Variants in WWOX observed in about 807,000 individuals in gnomAD.
WWOX encodes WW domain-containing oxidoreductase.
In WWOX, 69 loss-of-function variants were observed where a neutral mutation model predicts 46.2. The ratio of observed to expected loss-of-function variants is 1.49; its 90% CI spans 1.23 to 1.82. WWOX has a LOEUF of 1.82. Ranked by LOEUF, WWOX falls within the 40% of genes most tolerant of loss-of-function variation. WWOX has a pLI of 0.00. For missense variants in WWOX, 919 were observed against 542.6 expected (o/e 1.69, Z -6.89); for synonymous variants, 359 against 202.6 (o/e 1.77, Z -6.56).
At chr16:79,111,811 G>A (rs1055337725) in intron 8 of WWOX, among the ~76,000 whole-genome samples, 10 of 152,212 alleles carry the variant, frequency 6.6e-5, no homozygotes, top group Admixed American at 5.9e-4. Flanking sequence ...ACCATCCCAT[G>A]AGCCCAGATG....
intron 5 of WWOX, among the ~76,000 whole-genome samples, chr16:78,313,866 T>A (rs2080299914): frequency 6.6e-6 from 1 of 152,188 alleles, no homozygotes; most frequent in Non-Finnish European, 1.5e-5. Context: ...TCCCTGTCAT[T>A]CATCAGAATT....
chr16:79,089,858 C>T (rs1031474045), intron 8 of WWOX, among the ~76,000 whole-genome samples: 1 of 151,192 alleles, frequency 6.6e-6, no homozygotes, highest in Non-Finnish European at 1.5e-5. Flanking sequence ...CCCCTGTTGT[C>T]ATGCTGGATA....
intron 8 of WWOX, among the ~76,000 whole-genome samples, chr16:78,906,917 G>A (rs934401372): frequency 6.6e-6 from 1 of 152,166 alleles, no homozygotes; most frequent in Non-Finnish European, 1.5e-5. Flanking sequence ...GAATAAACAC[G>A]GAAATAATTA....
intron 8 of WWOX, among the ~76,000 whole-genome samples, chr16:78,847,682 TCA>T (rs1402937124): frequency 3.9e-5 from 6 of 152,158 alleles, no homozygotes; most frequent in Middle Eastern, 3.4e-3. Context: ...TATTTAACTC[TCA>T]GTTTCTTCTT....
chr16:78,316,854 T>G (rs1391435340), intron 5 of WWOX, among the ~76,000 whole-genome samples: 1 of 152,230 alleles, frequency 6.6e-6, no homozygotes. Context: ...TACCATTCAG[T>G]ACCAACCCTG....
intron 8 of WWOX, among the ~76,000 whole-genome samples, chr16:78,621,391 C>A (rs934504374): frequency 6.6e-6 from 1 of 151,954 alleles, no homozygotes; most frequent in African/African-American, 2.4e-5. Flanking sequence ...TCCTCATCCT[C>A]ACCCCTTTCA....
intron 8 of WWOX, among the ~76,000 whole-genome samples, chr16:78,556,605 G>C (rs1358658710): frequency 6.6e-6 from 1 of 152,082 alleles, no homozygotes; most frequent in African/African-American, 2.4e-5. Context: ...TGCCCACCAC[G>C]ACTGCTGTCT....
chr16:78,762,532 A>G (rs1040295327), intron 8 of WWOX, among the ~76,000 whole-genome samples: 1 of 152,220 alleles, frequency 6.6e-6, no homozygotes, highest in Non-Finnish European at 1.5e-5. Flanking sequence ...CTGTAATGCA[A>G]AATTCAGAGC....
At chr16:78,860,560 CT>C (rs1164407329) in intron 8 of WWOX, among the ~76,000 whole-genome samples, 1 of 152,148 alleles carries the variant, frequency 6.6e-6, no homozygotes, top group African/African-American at 2.4e-5. Flanking sequence ...GGGAAAGATA[CT>C]GTGAAAAAGA....
intron 7 of WWOX, among the ~76,000 whole-genome samples, chr16:78,429,447 T>C (rs1027368985): frequency 1.3e-5 from 2 of 152,170 alleles, no homozygotes; most frequent in Admixed American, 1.3e-4. Context: ...GAAGAGTTCA[T>C]TATGGAGAGC....
chr16:79,056,081 T>C (rs1311742782), intron 8 of WWOX, among the ~76,000 whole-genome samples: 4 of 147,016 alleles, frequency 2.7e-5, no homozygotes, highest in Non-Finnish European at 5.9e-5. Flanking sequence ...ACAGCTCAGC[T>C]TGTAAAAAAA....
chr16:78,557,833 T>G (rs1308112897), intron 8 of WWOX, among the ~76,000 whole-genome samples: 1 of 151,660 alleles, frequency 6.6e-6, no homozygotes, highest in African/African-American at 2.4e-5. Flanking sequence ...GTAGCTGGGA[T>G]TATAGTCACC....
chr16:78,652,767 A>G (rs576564901), intron 8 of WWOX, among the ~76,000 whole-genome samples: 6 of 152,304 alleles, frequency 3.9e-5, no homozygotes, highest in African/African-American at 1.4e-4. Flanking sequence ...AAAGAAGCAG[A>G]TATTTCTTTA....
chr16:78,135,020 C>T (rs1479111412), intron 4 of WWOX, among the ~76,000 whole-genome samples: 2 of 152,158 alleles, frequency 1.3e-5, no homozygotes, highest in African/African-American at 4.8e-5. Flanking sequence ...AAGGGTGTCA[C>T]CTGCGCATTG....
chr16:79,028,557 C>T (rs1034074623), intron 8 of WWOX, among the ~76,000 whole-genome samples: 1 of 151,190 alleles, frequency 6.6e-6, no homozygotes, highest in South Asian at 2.1e-4. Context: ...GCTTTCTTCC[C>T]TCCTCTCTCC....
At chr16:78,150,459 G>T (rs1250316672) in intron 4 of WWOX, among the ~76,000 whole-genome samples, 4 of 152,028 alleles carry the variant, frequency 2.6e-5, no homozygotes, top group African/African-American at 9.7e-5. Flanking sequence ...GCTCATTACA[G>T]CCAGGACCTC....
chr16:78,327,204 G>A (rs957856904), intron 5 of WWOX, among the ~76,000 whole-genome samples: 4 of 152,262 alleles, frequency 2.6e-5, no homozygotes, highest in Admixed American at 6.5e-5. Context: ...TATAGGCCAG[G>A]TCTGTCTTAT....
intron 8 of WWOX, among the ~76,000 whole-genome samples, chr16:78,875,129 C>T (rs377433890): frequency 2.0e-5 from 3 of 152,098 alleles, no homozygotes; most frequent in African/African-American, 7.2e-5. Flanking sequence ...CTCGGGCTGA[C>T]TCTCTACTTC....
intron 5 of WWOX, among the ~76,000 whole-genome samples, chr16:78,356,318 A>G (rs952146886): frequency 1.6e-5 from 1 of 64,442 alleles, no homozygotes; most frequent in African/African-American, 8.4e-5. Context: ...TATGTCTCAC[A>G]TATTCAAAAT....
Sources: allele counts gnomAD v4.1 joint callset (sites outside exome capture counted in the v4.1 genomes callset), GRCh38; gene constraint gnomAD v4.1.1; transcripts MANE v1.5; gene names NCBI Gene and HGNC (gene_info 2026-07-23, HGNC 2026-07-21).